Variants in TFDP2 observed in about 807,000 individuals in gnomAD.
TFDP2 encodes transcription factor Dp-2 (E2F dimerization partner 2).
Under a neutral mutation model 59.3 loss-of-function variants are expected in TFDP2, and 17 were observed. The ratio of observed to expected loss-of-function variants is 0.29; its 90% confidence interval spans 0.20 to 0.43. The LOEUF (loss-of-function observed/expected upper bound fraction) is 0.43. TFDP2 is among the 20% of genes least tolerant of loss of function. The pLI, the probability that TFDP2 is intolerant of heterozygous loss-of-function variation, is 1.00. For synonymous variants in TFDP2, 180 were observed against 194.7 expected (o/e 0.92, Z 0.63); for missense variants, 391 against 528.8 (o/e 0.74, Z 2.56).
chr3:142,092,725 A>G (rs1326410826), intron 3 of TFDP2, among the ~76,000 whole-genome samples: 2 of 152,208 alleles, frequency 1.3e-5, no homozygotes, highest in Non-Finnish European at 2.9e-5. Context: ...ATATATACGT[A>G]TTTTCTCTAC....
chr3:142,039,606 A>G (rs1451485403), intron 3 of TFDP2, among the ~76,000 whole-genome samples: 1 of 152,186 alleles, frequency 6.6e-6, no homozygotes, highest in Non-Finnish European at 1.5e-5. Context: ...TGCCAAGCAG[A>G]GGTTTGCTAC....
rs72990236 is a variant in TFDP2, at chr3:141,989,719, G to T, written c.356+3819C>A. ...CTGGAGCCTCTCTGTGACAATGTAG[G>T]GTACAATGGCTACCATTTCTGATGC... On this transcript the variant is annotated intron_variant, in intron 6 of 12. Coordinates refer to ENST00000489671, the MANE Select transcript of TFDP2 (RefSeq NM_001178139.2). Among the ~76,000 whole-genome samples the T allele has an allele frequency of 2.8e-3, 419 of 152,056 alleles. 1 individual carries two copies. Among genetic ancestry groups the T allele is most frequent in the African/African-American group, 9.8e-3 (406 of 41,462 alleles).
chr3:142,100,347 C>T (rs2061281905), intron 2 of TFDP2, among the ~76,000 whole-genome samples: 1 of 152,054 alleles, frequency 6.6e-6, no homozygotes, highest in South Asian at 2.1e-4. Flanking sequence ...ACTAGAAAGG[C>T]AGGCAGGATG....
At chr3:142,058,548 T>C (rs1457386915) in intron 3 of TFDP2, among the ~76,000 whole-genome samples, 2 of 152,186 alleles carry the variant, frequency 1.3e-5, no homozygotes, top group Non-Finnish European at 2.9e-5. Flanking sequence ...AGGGTTCCCA[T>C]GACCCCGCCT....
intron 6 of TFDP2, among the ~76,000 whole-genome samples, chr3:141,980,057 T>A (rs1941294615): frequency 6.6e-6 from 1 of 151,432 alleles, no homozygotes; most frequent in Non-Finnish European, 1.5e-5. Context: ...TACAGGTGCA[T>A]GTCACCATGC....
intron 1 of TFDP2, among the ~76,000 whole-genome samples, chr3:142,118,561 G>C (rs1391542536): frequency 1.3e-5 from 2 of 151,924 alleles, no homozygotes; most frequent in Admixed American, 6.6e-5. Context: ...GAAATAGAAA[G>C]AAACAAACAA....
In TFDP2 at chr3:141,971,462, T is replaced by C. The variant is rs569927209; in HGVS notation, c.664-1321A>G. 1.2e-3 allele frequency among the ~76,000 whole-genome samples: 184 copies of C among 151,286 alleles called. 1 individual carries two copies. Among genetic ancestry groups the C allele is most frequent in the Admixed American group, 2.0e-3 (31 of 15,220 alleles). On this transcript the variant is annotated intron_variant, in intron 8 of 12. Transcript: ENST00000489671. ...TACTCGGGAGGCTGAGGCAGGAGAA[T>C]TGCTCGAACCCGGGAGGCGGAGGTT... is the stretch of plus-strand genomic sequence containing the variant.
chr3:142,000,353 T>C (rs530507563), intron 4 of TFDP2: 9 of 702,260 alleles, frequency 1.3e-5, no homozygotes, highest in Non-Finnish European at 2.1e-5. Context: ...TCTGGTTGCA[T>C]CCTAATAGCA....
chr3:141,973,612 A>G (rs1340608353), intron 8 of TFDP2, among the ~76,000 whole-genome samples: 1 of 152,176 alleles, frequency 6.6e-6, no homozygotes, highest in Non-Finnish European at 1.5e-5. Flanking sequence ...TTTCAAAGTA[A>G]AAGTCTGACT....
intron 3 of TFDP2, among the ~76,000 whole-genome samples, chr3:142,025,192 G>A (rs1267084569): frequency 6.6e-6 from 1 of 152,044 alleles, no homozygotes; most frequent in Non-Finnish European, 1.5e-5. Context: ...TAACAAACTT[G>A]AATGGTTTGG....
chr3:142,081,428 T>C (rs1253260231), intron 3 of TFDP2, among the ~76,000 whole-genome samples: 1 of 151,926 alleles, frequency 6.6e-6, no homozygotes, highest in Non-Finnish European at 1.5e-5. Context: ...CTTAAAGAGC[T>C]AGAAAAGCAA....
At chr3:142,104,040 C>T (rs2061398907) in intron 1 of TFDP2, among the ~76,000 whole-genome samples, 1 of 151,958 alleles carries the variant, frequency 6.6e-6, no homozygotes, top group Admixed American at 6.6e-5. Context: ...TGATGCTCCC[C>T]CCTCCTTTCT....
intron 5 of TFDP2, 58 bp downstream of exon 5, chr3:141,994,962 A>G (rs2108196924): frequency 7.0e-7 from 1 of 1,422,104 alleles, no homozygotes; most frequent in East Asian, 2.5e-5. Context: ...AGATAGTAAG[A>G]AAAAAATGTC....
intron 3 of TFDP2, among the ~76,000 whole-genome samples, chr3:142,068,680 C>G (rs555525136): frequency 1.3e-5 from 2 of 151,964 alleles, no homozygotes; most frequent in South Asian, 4.1e-4. Flanking sequence ...AATCCTCCCA[C>G]CTCAGCCTCC....
chr3:142,051,792 T>TA (rs1330459773), intron 3 of TFDP2, among the ~76,000 whole-genome samples: 5 of 152,180 alleles, frequency 3.3e-5, no homozygotes, highest in Non-Finnish European at 1.5e-5. Flanking sequence ...GATACAAAAA[T>TA]AAACCTTTCC....
At chr3:142,041,292 G>A (rs1193138116) in intron 3 of TFDP2, among the ~76,000 whole-genome samples, 1 of 152,182 alleles carries the variant, frequency 6.6e-6, no homozygotes, top group African/African-American at 2.4e-5. Flanking sequence ...CTTTCTCAGA[G>A]TAGAAGTGAT....
intron 9 of TFDP2, among the ~76,000 whole-genome samples, chr3:141,967,905 C>T (rs1938375570): frequency 6.6e-6 from 1 of 152,112 alleles, no homozygotes. Context: ...CAGCACCATT[C>T]TTTCTGATAG....
intron 3 of TFDP2, among the ~76,000 whole-genome samples, chr3:142,059,203 C>G (rs1324196346): frequency 6.6e-6 from 1 of 152,102 alleles, no homozygotes; most frequent in Non-Finnish European, 1.5e-5. Flanking sequence ...ATACATGTAT[C>G]AAACAAAGCC....
At chr3:142,034,941 C>T (rs1251029018) in intron 3 of TFDP2, among the ~76,000 whole-genome samples, 1 of 151,890 alleles carries the variant, frequency 6.6e-6, no homozygotes, top group Non-Finnish European at 1.5e-5. Context: ...CTCCTGACCT[C>T]GTGATCCGCC....
Sources: allele counts gnomAD v4.1 joint callset (sites outside exome capture counted in the v4.1 genomes callset), GRCh38; gene constraint gnomAD v4.1.1; transcripts MANE v1.5; gene names NCBI Gene and HGNC (gene_info 2026-07-23, HGNC 2026-07-21).